The following DSCAM variants were observed in gnomAD, a reference collection of about 807,000 sequenced individuals.
DSCAM encodes cell adhesion molecule DSCAM.
DSCAM carries 47 observed loss-of-function variants against 217.7 expected under a neutral mutation model. The ratio of observed to expected loss-of-function variants is 0.22; its 90% CI spans 0.17 to 0.28. The LOEUF (loss-of-function observed/expected upper bound fraction) is 0.28, where lower values mean the gene tolerates loss of function less well. DSCAM is among the 10% of genes least tolerant of loss of function. The pLI is 1.00. For missense variants in DSCAM, 2,080 were observed against 2,618.3 expected, an observed-to-expected ratio of 0.79 and a Z score of 4.49; for synonymous variants, 1,056 against 1,015.3, an observed-to-expected ratio of 1.04 and a Z score of -0.76.
chr21:40,376,684 A>ATATAGATATC (rs2074966438), intron 3 of DSCAM, among the ~76,000 whole-genome samples: 36 of 33,506 alleles, frequency 1.1e-3, no homozygotes, highest in African/African-American at 3.1e-3. Flanking sequence ...TCTATATATC[A>ATATAGATATC]TATATATCAT....
chr21:40,622,223 C>T (rs79061248), intron 3 of DSCAM, among the ~76,000 whole-genome samples: 5 of 152,222 alleles, frequency 3.3e-5, no homozygotes, highest in East Asian at 1.9e-4. Flanking sequence ...AGTCAACGTA[C>T]TTTCCTGACT....
At chr21:40,361,400 C>T (rs1346844239) in intron 4 of DSCAM, among the ~76,000 whole-genome samples, 5 of 152,164 alleles carry the variant, frequency 3.3e-5, no homozygotes, top group African/African-American at 4.8e-5. Context: ...GCAGGGGGAT[C>T]ACAAGGTCAG....
intron 11 of DSCAM, among the ~76,000 whole-genome samples, chr21:40,208,904 AG>A (rs2091153954): frequency 6.6e-6 from 1 of 152,168 alleles, no homozygotes; most frequent in Non-Finnish European, 1.5e-5. Flanking sequence ...GGCAATAGGA[AG>A]CATGCAACTA....
At chr21:40,825,275 T>A (rs2091959306) in intron 1 of DSCAM, among the ~76,000 whole-genome samples, 1 of 103,964 alleles carries the variant, frequency 9.6e-6, no homozygotes, top group South Asian at 2.4e-4. Context: ...CTTTCCTTCC[T>A]TCCTTCCTTC....
chr21:40,762,667 A>G (rs1049660237), intron 1 of DSCAM, among the ~76,000 whole-genome samples: 2 of 152,188 alleles, frequency 1.3e-5, no homozygotes, highest in African/African-American at 4.8e-5. Context: ...AAGAAAAGAA[A>G]ATTTCAGGCC....
At chr21:40,265,208 A>G (rs2073508865) in intron 11 of DSCAM, among the ~76,000 whole-genome samples, 1 of 150,360 alleles carries the variant, frequency 6.7e-6, no homozygotes, top group Non-Finnish European at 1.5e-5. Context: ...AAAAAAAAGA[A>G]AAAAAAAAGA....
intron 2 of DSCAM, among the ~76,000 whole-genome samples, chr21:40,694,014 T>C (rs1436717991): frequency 6.6e-6 from 1 of 152,136 alleles, no homozygotes; most frequent in South Asian, 2.1e-4. Context: ...AGGGTGACTG[T>C]GGTGAATCAG....
chr21:40,118,510 C>T (rs2089997896), intron 20 of DSCAM, among the ~76,000 whole-genome samples: 1 of 152,074 alleles, frequency 6.6e-6, no homozygotes, highest in Admixed American at 6.6e-5. Context: ...TCGTTTGAAC[C>T]TGGGAGGTGG....
intron 2 of DSCAM, among the ~76,000 whole-genome samples, chr21:40,707,881 A>G (rs973938924): frequency 2.6e-5 from 4 of 152,142 alleles, no homozygotes; most frequent in South Asian, 4.1e-4. Flanking sequence ...AAGACACAAT[A>G]TGTTGTTAAA....
At position 40,011,280 on chromosome 21, in the gene DSCAM, C is replaced by G. The variant is rs931296475; in HGVS notation, c.*1754G>C. The G allele has an allele frequency of 6.6e-6, 1 of 152,116 alleles. No homozygotes were observed. Among genetic ancestry groups the G allele is most frequent in the African/African-American group, 2.4e-5 (1 of 41,410 alleles). The allele number at this position is 152,116 out of a possible 1,614,324, so 9.4% of individuals were successfully genotyped here. A position where few individuals can be genotyped will look rare whatever the true frequency, so the allele number is the denominator to read the frequency against. On this transcript the variant is annotated 3_prime_UTR_variant, in exon 33 of 33. Coordinates refer to ENST00000400454, the MANE Select transcript of DSCAM (RefSeq NM_001389.5). ...AGGTGGTCTTGACATGGTCCTGGAC[C>G]CATTCTGTGTCACTGAATCTAAGCA... is the stretch of plus-strand genomic sequence containing the variant.
chr21:40,334,478 G>A (rs1180740025), intron 8 of DSCAM, among the ~76,000 whole-genome samples: 1 of 151,998 alleles, frequency 6.6e-6, no homozygotes, highest in African/African-American at 2.4e-5. Context: ...ATAGACCTTC[G>A]AAATAGATCC....
At chr21:40,186,528 G>C (rs2090896617) in intron 14 of DSCAM, among the ~76,000 whole-genome samples, 1 of 152,138 alleles carries the variant, frequency 6.6e-6, no homozygotes, top group Admixed American at 6.5e-5. Context: ...CAATGAATGG[G>C]CACACCTGCA....
intron 5 of DSCAM, among the ~76,000 whole-genome samples, chr21:40,351,778 T>C (rs540664246): frequency 1.3e-5 from 2 of 152,000 alleles, no homozygotes; most frequent in East Asian, 3.9e-4. Context: ...AAAATATAGG[T>C]AGTGATAAAC....
Position 40,573,230 on chromosome 21 carries a change from C to G in DSCAM, c.508+119580G>C, listed in dbSNP as rs533064844. 6.6e-5 allele frequency among the ~76,000 whole-genome samples: 10 copies of G among 152,058 alleles called. No individual in the cohort carries two copies. In the South Asian group the frequency reaches 8.3e-4, roughly 13 times the overall value. The stretch of plus-strand genomic sequence containing the variant: ...GCGGGTGACTGTAGTCCCAGCTACT[C>G]AGGAGGCTGAGGCAGGAGAATGGCG... On this transcript the variant is annotated intron_variant, in intron 3 of 32. Transcript: ENST00000400454.
intron 16 of DSCAM, among the ~76,000 whole-genome samples, chr21:40,155,324 A>C (rs1444612939): frequency 6.6e-6 from 1 of 152,124 alleles, no homozygotes; most frequent in Non-Finnish European, 1.5e-5. Context: ...TAGAGGGTGC[A>C]CTCTGATGCA....
At chr21:40,378,551 C>CTTTTTTT (rs2074986379) in intron 3 of DSCAM, among the ~76,000 whole-genome samples, 1 of 101,406 alleles carries the variant, frequency 9.9e-6, no homozygotes, top group African/African-American at 3.6e-5. Flanking sequence ...ACAATGAAAA[C>CTTTTTTT]TTATTTTTTT....
At chr21:40,671,052 T>C (rs763195453) in intron 3 of DSCAM, among the ~76,000 whole-genome samples, 1 of 152,206 alleles carries the variant, frequency 6.6e-6, no homozygotes, top group African/African-American at 2.4e-5. Flanking sequence ...CTTTGCCATA[T>C]GAAAGCCTGA....
At chr21:40,137,594 TACACACACACAC>T (rs3988428) in intron 18 of DSCAM, among the ~76,000 whole-genome samples, 11 of 134,928 alleles carry the variant, frequency 8.2e-5, no homozygotes, top group East Asian at 4.2e-4. Context: ...GGCTGTTTAA[TACACACACACAC>T]ACACACACAC....
chr21:40,317,136 T>C (rs1316992863), intron 8 of DSCAM, among the ~76,000 whole-genome samples: 1 of 152,218 alleles, frequency 6.6e-6, no homozygotes, highest in Non-Finnish European at 1.5e-5. Flanking sequence ...TCCAGTTCAG[T>C]GCAAGGCGTG....
Sources: gnomAD v4.1 joint callset for allele counts (sites outside exome capture counted in the v4.1 genomes callset) on GRCh38, gnomAD v4.1.1 for gene constraint, MANE v1.5 for transcripts, NCBI Gene and HGNC (gene_info 2026-07-23, HGNC 2026-07-21) for gene names.